HDGFL3: variants seen among roughly 807,000 people sequenced by gnomAD.
HDGFL3 encodes hepatoma-derived growth factor-related protein 3.
Under a neutral mutation model 27.6 loss-of-function variants are expected in HDGFL3, and 6 were observed. The ratio of observed to expected loss-of-function variants is 0.22; its 90% confidence interval spans 0.12 to 0.43. The LOEUF (loss-of-function observed/expected upper bound fraction) is 0.43. HDGFL3 is among the 20% of genes least tolerant of loss of function. HDGFL3 has a pLI of 1.00. For missense variants in HDGFL3, 207 were observed against 250.1 expected, an observed-to-expected ratio of 0.83 and a Z score of 1.16; for synonymous variants, 88 against 88.9, an observed-to-expected ratio of 0.99 and a Z score of 0.05.
intron 1 of HDGFL3, among the ~76,000 whole-genome samples, chr15:83,166,746 G>A (rs1034309041): frequency 7.2e-5 from 11 of 152,166 alleles, no homozygotes; most frequent in African/African-American, 2.7e-4. Flanking sequence ...AAGGTGAAGA[G>A]GAAGGAGGCA....
chr15:83,192,650 T>C (rs974752929), intron 1 of HDGFL3, among the ~76,000 whole-genome samples: 3 of 152,216 alleles, frequency 2.0e-5, no homozygotes, highest in African/African-American at 2.4e-5. Context: ...TCAGTTTATG[T>C]CTCAAGGATG....
downstream of HDGFL3, among the ~76,000 whole-genome samples, chr15:83,126,065 G>A (rs572808178): frequency 5.3e-5 from 8 of 152,298 alleles, no homozygotes; most frequent in Admixed American, 2.0e-4. Flanking sequence ...CCCTGTGCAC[G>A]AGAAAAATGT....
At chr15:83,172,298 G>T (rs987405512) in intron 1 of HDGFL3, among the ~76,000 whole-genome samples, 2 of 152,142 alleles carry the variant, frequency 1.3e-5, no homozygotes, top group African/African-American at 4.8e-5. Flanking sequence ...TAAGATGCCA[G>T]TGCCTTCCTC....
At chr15:83,122,818 T>C, downstream of HDGFL3, 1 of 1,614,148 alleles carries the variant, frequency 6.2e-7, no homozygotes, top group Non-Finnish European at 8.5e-7. Context: ...CTTGTCTTCC[T>C]GTCTGGGCTG....
At chr15:83,163,284 A>G (rs1265047685) in intron 2 of HDGFL3, among the ~76,000 whole-genome samples, 2 of 152,194 alleles carry the variant, frequency 1.3e-5, no homozygotes, top group East Asian at 3.9e-4. Context: ...CCTTACAAGG[A>G]ACTACTTGTT....
At chr15:83,157,829 T>C (rs2037052614) in intron 3 of HDGFL3, 74 bp downstream of exon 3, 2 of 1,361,374 alleles carry the variant, frequency 1.5e-6, no homozygotes, top group South Asian at 1.2e-5. Flanking sequence ...AGAAAGGACA[T>C]ATAAGAAAGA....
At chr15:83,139,331 C>T in intron 5 of HDGFL3, 56 bp from the exon 6 acceptor site, 1 of 1,135,230 alleles carries the variant, frequency 8.8e-7, no homozygotes, top group Non-Finnish European at 1.2e-6. Context: ...AGGATACTAA[C>T]AATGAGAGCT....
At chr15:83,197,244 A>T (rs2037581838) in intron 1 of HDGFL3, among the ~76,000 whole-genome samples, 1 of 152,192 alleles carries the variant, frequency 6.6e-6, no homozygotes, top group Admixed American at 6.5e-5. Flanking sequence ...CATAAAATTT[A>T]ATCTAATCTT....
At position 83,176,725 on chromosome 15, in the gene HDGFL3, C is replaced by T. The variant is rs139850988; in HGVS notation, c.85-12650G>A. ...GATGCATATTTTAAGAGATTTCATC[C>T]TCTTGCTGTGGTTCCTGCGGATGGG... On this transcript the variant is annotated intron_variant, in intron 1 of 5. Coordinates refer to ENST00000299633, the MANE Select transcript of HDGFL3 (RefSeq NM_016073.4). Among the ~76,000 whole-genome samples, 17 of 152,186 alleles carry T rather than the reference C, an allele frequency of 1.1e-4. 1 individual carries two copies. In the East Asian group the frequency reaches 3.3e-3, roughly 29 times the overall value.
chr15:83,151,094 T>C (rs1478439404), intron 5 of HDGFL3, 121 bp downstream of exon 5: 3 of 904,718 alleles, frequency 3.3e-6, no homozygotes, highest in Non-Finnish European at 3.4e-6. Context: ...ATGCATATAA[T>C]AGGCTGAGAA....
At chr15:83,196,602 T>C (rs1035588809) in intron 1 of HDGFL3, among the ~76,000 whole-genome samples, 1 of 152,078 alleles carries the variant, frequency 6.6e-6, no homozygotes, top group African/African-American at 2.4e-5. Flanking sequence ...AAAGTTTTCA[T>C]TTTCAAAAAG....
intron 5 of HDGFL3, among the ~76,000 whole-genome samples, chr15:83,140,731 C>T (rs2036752389): frequency 6.6e-6 from 1 of 152,072 alleles, no homozygotes; most frequent in South Asian, 2.1e-4. Context: ...CTGCCTGGCT[C>T]GGCGGCCTCC....
chr15:83,151,241 A>T lies in HDGFL3; in HGVS notation c.580T>A (p.Ser194Thr). 2 of 1,612,956 alleles carry T rather than the reference A, an allele frequency of 1.2e-6. No individual in the cohort carries two copies. Among genetic ancestry groups the T allele is most frequent in the Non-Finnish European group, 1.7e-6 (2 of 1,179,802 alleles). ...CCTTCACTGGTTTTCTGCAAGTCTG[A>T]AGTTGTGTTTCTTGTGTCGTTGCCC... is the stretch of plus-strand genomic sequence containing the variant. The part of the protein sequence containing the change: ...DAGNDTRNTT[S>T]DLQKTSEGT The change falls in exon 5 of 6, where the codon TCA becomes ACA. Residue 194 changes from serine (S) to threonine (T), a missense_variant. Transcript: ENST00000299633.
chr15:83,169,319 G>C, intron 1 of HDGFL3: 1 of 360,932 alleles, frequency 2.8e-6, no homozygotes, highest in Non-Finnish European at 5.6e-6. Context: ...AAAAGAAGTC[G>C]CAGGAGAATG....
At chr15:83,115,831 T>C (rs1442843803) in intron 3 of HDGFL3, 1 of 1,595,718 alleles carries the variant, frequency 6.3e-7, no homozygotes, top group South Asian at 1.1e-5. Flanking sequence ...AAACTGCTGC[T>C]TTCTTTGCTC....
Position 83,151,271 on chromosome 15 carries a change from C to G in HDGFL3, c.550G>C (p.Asp184His). ...GTGTTTCTTGTGTCGTTGCCCGCAT[C>G]TCCACCCTCAGAGCTGCTTTTGTTT... The part of the protein sequence containing the change: ...EENKSSSEGG[D>H]AGNDTRNTTS... Residue 184 changes from aspartate (D) to histidine (H), a missense_variant, in exon 5 of 6, where the codon GAT (aspartate) becomes CAT (histidine). Coordinates refer to ENST00000299633, the MANE Select transcript of HDGFL3 (RefSeq NM_016073.4). 1.2e-6 allele frequency: 2 copies of G among 1,613,444 alleles called. No individual in the cohort carries two copies. Among genetic ancestry groups the G allele is most frequent in the Non-Finnish European group, 8.5e-7 (1 of 1,179,800 alleles).
intron 5 of HDGFL3, among the ~76,000 whole-genome samples, chr15:83,141,313 A>C (rs748034957): frequency 4.6e-5 from 7 of 152,278 alleles, no homozygotes; most frequent in Non-Finnish European, 8.8e-5. Flanking sequence ...GAGAGGCTAT[A>C]GGGTGGTAGC....
chr15:83,173,824 A>C (rs1233790283), intron 1 of HDGFL3, among the ~76,000 whole-genome samples: 2 of 152,170 alleles, frequency 1.3e-5, no homozygotes, highest in African/African-American at 4.8e-5. Context: ...AAGACTACAA[A>C]TAGGAAAGGA....
At chr15:83,203,339 T>C (rs979378042) in intron 1 of HDGFL3, among the ~76,000 whole-genome samples, 6 of 152,086 alleles carry the variant, frequency 3.9e-5, no homozygotes, top group Non-Finnish European at 7.4e-5. Flanking sequence ...GTATTTTATA[T>C]GCAAGTTGAC....
Sources: gnomAD v4.1 joint callset for allele counts (sites outside exome capture counted in the v4.1 genomes callset) on GRCh38, gnomAD v4.1.1 for gene constraint, MANE v1.5 for transcripts, NCBI Gene and HGNC (gene_info 2026-07-23, HGNC 2026-07-21) for gene names.